Variants in ANO1 observed in about 807,000 individuals in gnomAD.
The protein encoded by ANO1 is anoctamin-1.
ANO1 carries 59 observed loss-of-function variants against 124.0 expected under a neutral mutation model. That is an observed-to-expected ratio of 0.48 (90% CI 0.39 to 0.59). ANO1 has a LOEUF of 0.59. ANO1 is among the 20% of genes least tolerant of loss of function. The pLI is 0.00. For synonymous variants in ANO1, 529 were observed against 532.0 expected (o/e 0.99, Z 0.08); for missense variants, 1,059 against 1,328.0 (o/e 0.80, Z 3.15).
chr11:70,045,095 T>C (rs142945893), intron 1 of ANO1, among the ~76,000 whole-genome samples: 2 of 152,232 alleles, frequency 1.3e-5, no homozygotes, highest in South Asian at 2.1e-4. Context: ...AAACATAAGA[T>C]AGAAGGCAAG....
intron 1 of ANO1, among the ~76,000 whole-genome samples, chr11:70,066,299 C>T (rs1857716744): frequency 6.6e-6 from 1 of 152,144 alleles, no homozygotes. Flanking sequence ...GGTCCCAGGC[C>T]CTGAGCTTGC....
At chr11:69,989,801 T>C (rs1856119353) in intron 1 of ANO1, among the ~76,000 whole-genome samples, 1 of 151,870 alleles carries the variant, frequency 6.6e-6, no homozygotes, top group Non-Finnish European at 1.5e-5. Flanking sequence ...ATTTTGAAAG[T>C]AGGGCCCACA....
chr11:70,127,362 C>T (rs2046565083), intron 10 of ANO1, among the ~76,000 whole-genome samples: 1 of 152,160 alleles, frequency 6.6e-6, no homozygotes, highest in South Asian at 2.1e-4. Context: ...AGGAACTGTT[C>T]CATAAGGGAG....
chr11:70,015,362 A>C (rs546952247), intron 1 of ANO1, among the ~76,000 whole-genome samples: 1 of 152,226 alleles, frequency 6.6e-6, no homozygotes, highest in South Asian at 2.1e-4. Context: ...TAAACAATCC[A>C]GGTGCTCCCT....
intron 10 of ANO1, among the ~76,000 whole-genome samples, chr11:70,130,755 C>T (rs1464318110): frequency 6.6e-6 from 1 of 152,200 alleles, no homozygotes; most frequent in Admixed American, 6.5e-5. Context: ...TGAGCGGGAC[C>T]CATCATCCCT....
chr11:70,151,321 CCAGA>C lies in ANO1; in HGVS notation c.1342-1124_1342-1121del, dbSNP rs535291319. On this transcript the variant is annotated intron_variant, in intron 12 of 25. Transcript: ENST00000355303. ...ATCTCATTATCCTGTCCACAAATGA[CCAGA>C]CAGAGATCAATGCAACCTGTCCACA... 3.1e-4 allele frequency among the ~76,000 whole-genome samples: 47 copies of C among 152,358 alleles called. No individual in the cohort carries two copies. The East Asian group carries it at 7.9e-3, about 26-fold the overall frequency.
At chr11:69,977,407 C>T in the ANO1 span, among the ~76,000 whole-genome samples, 40 of 152,332 alleles carry the variant, frequency 2.6e-4, no homozygotes, top group Admixed American at 1.1e-3. Flanking sequence ...CTGCTTGCAG[C>T]GAGGGCCTGA....
intron 1 of ANO1, chr11:70,020,966 G>A (rs1468794958): frequency 6.6e-6 from 1 of 152,234 alleles, no homozygotes; most frequent in Admixed American, 6.5e-5. Flanking sequence ...TTACCGAGAG[G>A]TGCTTCGCTG....
intron 1 of ANO1, 65 bp from the exon 2 acceptor site, chr11:70,087,686 CG>C: frequency 1.4e-6 from 2 of 1,382,326 alleles, no homozygotes; most frequent in Non-Finnish European, 1.9e-6. Context: ...AAGGGAGCAG[CG>C]CACCCTCCAA....
At chr11:70,156,309 G>A (rs1013401658) in intron 15 of ANO1, among the ~76,000 whole-genome samples, 15 of 152,096 alleles carry the variant, frequency 9.9e-5, no homozygotes, top group Non-Finnish European at 7.4e-5. Context: ...AGTGGCCTCC[G>A]GTGTCATGCC....
intron 3 of ANO1, among the ~76,000 whole-genome samples, chr11:70,103,581 T>C (rs1364857385): frequency 6.6e-6 from 1 of 152,224 alleles, no homozygotes; most frequent in African/African-American, 2.4e-5. Flanking sequence ...TTCTTTTTAA[T>C]CTGTGAAAAC....
In ANO1 at chr11:70,111,780, ACGATTTATCTCTGCGT is replaced by A. The variant is rs1285864342; in HGVS notation, c.855+20_855+35del. The A allele has an allele frequency of 6.2e-7, 1 of 1,613,686 alleles. No individual in the cohort carries two copies. Among genetic ancestry groups the A allele is most frequent in the Non-Finnish European group, 8.5e-7 (1 of 1,179,600 alleles). ...TGCACGATGTAAGTAACCTTGACAC[ACGATTTATCTCTGCGT>A]CATTTGACTCCCCAAATCCCGCCGG... On this transcript the variant is annotated intron_variant, in intron 7 of 25. Coordinates refer to ENST00000355303, the MANE Select transcript of ANO1 (RefSeq NM_018043.7).
intron 1 of ANO1, among the ~76,000 whole-genome samples, chr11:70,049,034 T>C (rs1262694290): frequency 2.8e-4 from 43 of 152,292 alleles, no homozygotes; most frequent in East Asian, 3.9e-4. Context: ...CAACTGTTTT[T>C]CACAGCAATT....
intron 14 of ANO1, 79 bp downstream of exon 14, chr11:70,153,207 A>G: frequency 7.6e-7 from 1 of 1,313,138 alleles, no homozygotes; most frequent in Non-Finnish European, 1.1e-6. Flanking sequence ...GGATCAGCCC[A>G]GAGAACAAAT....
chr11:70,180,082 G>T (rs2048874694), intron 23 of ANO1, 26 bp downstream of exon 23: 1 of 1,604,548 alleles, frequency 6.2e-7, no homozygotes. Flanking sequence ...GACCTTGGCA[G>T]AATGGAAGTC....
Position 70,161,340 on chromosome 11 carries a change from A to T in ANO1, c.1758A>T (p.Ile586=). ...IILLDEVYGC[I]ARWLTKIEVP... Reference sequence around the variant, plus strand: ...TCCTGGACGAGGTGTATGGCTGCATAGCCCGATGGCTCACCAAGATCGGTG... The same window carrying T: ...TCCTGGACGAGGTGTATGGCTGCATTGCCCGATGGCTCACCAAGATCGGTG... The change falls in exon 17 of 26, where the codon ATA becomes ATT. Residue 586 remains isoleucine (I), a synonymous_variant. Transcript: ENST00000355303. 1.2e-6 allele frequency: 2 copies of T among 1,613,952 alleles called. No individual in the cohort carries two copies. The highest frequency in any genetic ancestry group is 1.7e-6 in the Non-Finnish European group (2 of 1,179,894).
chr11:70,177,594 C>CTTTT lies in ANO1; in HGVS notation c.2351-2390_2351-2387dup, dbSNP rs57647858. ...TCGATTTTTCTTTTCTTTTTTTTTT[C>CTTTT]TTTTTTTTTTTTTTTTTTTTTTTGA... On this transcript the variant is annotated intron_variant, in intron 22 of 25. Transcript: ENST00000355303. Among the ~76,000 whole-genome samples, 57 of 78,928 alleles carry CTTTT rather than the reference C, an allele frequency of 7.2e-4. 1 individual carries two copies. The highest frequency in any genetic ancestry group is 8.7e-4 in the African/African-American group (17 of 19,582). The allele number at this position is 78,928 out of a possible 152,430, so 51.8% of individuals were successfully genotyped here.
chr11:70,030,382 A>G (rs1483633905), intron 1 of ANO1, among the ~76,000 whole-genome samples: 1 of 152,202 alleles, frequency 6.6e-6, no homozygotes, highest in African/African-American at 2.4e-5. Flanking sequence ...CGGAGCTGCT[A>G]TGTTGGTTTC....
intron 12 of ANO1, 86 bp from the exon 13 acceptor site, chr11:70,152,364 C>A: frequency 1.6e-5 from 16 of 985,658 alleles, no homozygotes; most frequent in Non-Finnish European, 2.4e-5. Flanking sequence ...AAAAGTTGTC[C>A]TTAGTGGACA....
Sources: allele counts gnomAD v4.1 joint callset (sites outside exome capture counted in the v4.1 genomes callset), GRCh38; gene constraint gnomAD v4.1.1; transcripts MANE v1.5; gene names NCBI Gene and HGNC (gene_info 2026-07-23, HGNC 2026-07-21).